Variants in DNAH3 observed in about 807,000 individuals in gnomAD.
DNAH3 encodes dynein axonemal heavy chain 3, also known as axonemal beta dynein heavy chain 3.
In DNAH3, 332 loss-of-function variants were observed where a neutral mutation model predicts 432.5. That is an observed-to-expected ratio of 0.77 (90% CI 0.70 to 0.84). The LOEUF is 0.84. DNAH3 is among the 40% of genes least tolerant of loss of function. The pLI is 0.00. For synonymous variants in DNAH3, 1,956 were observed against 1,900.2 expected (o/e 1.03, Z -0.76); for missense variants, 4,861 against 5,114.0 (o/e 0.95, Z 1.51).
chr16:21,047,375 C>A (rs2089750701), intron 31 of DNAH3, among the ~76,000 whole-genome samples: 1 of 150,270 alleles, frequency 6.7e-6, no homozygotes, highest in South Asian at 2.1e-4. Context: ...TTGCTCATTT[C>A]TTTTTATTCT....
At chr16:21,057,187 T>C (rs72780843) in intron 27 of DNAH3, among the ~76,000 whole-genome samples, 1 of 152,106 alleles carries the variant, frequency 6.6e-6, no homozygotes, top group Non-Finnish European at 1.5e-5. Flanking sequence ...GCAAGGAGGA[T>C]TGCTTGAGGC....
exon 14 of DNAH3, chr16:21,111,669 GATGGTCTTT>G (rs1402481556): frequency 1.2e-6 from 2 of 1,613,936 alleles, no homozygotes; most frequent in Non-Finnish European, 1.7e-6. Context: ...AATTGAATCA[GATGGTCTTT>G]AAGATTTTGA....
intron 21 of DNAH3, 104 bp downstream of exon 21, chr16:21,075,343 T>C: frequency 5.9e-6 from 5 of 842,884 alleles, no homozygotes; most frequent in Non-Finnish European, 6.1e-6. Flanking sequence ...GAGCGATTAT[T>C]TCTCTGTGAG....
intron 8 of DNAH3, among the ~76,000 whole-genome samples, chr16:21,126,930 G>T (rs1012436075): frequency 2.0e-5 from 3 of 151,960 alleles, no homozygotes; most frequent in African/African-American, 7.3e-5. Context: ...TCTAGTTGCA[G>T]GAAAACAAGC....
At chr16:21,108,938 A>C (rs1163795927) in intron 14 of DNAH3, among the ~76,000 whole-genome samples, 1 of 152,056 alleles carries the variant, frequency 6.6e-6, no homozygotes, top group Admixed American at 6.6e-5. Context: ...GCTGACCAGC[A>C]TGGTGAAACC....
chr16:21,111,678 T>G (rs747911277), exon 14 of DNAH3: 1 of 1,614,050 alleles, frequency 6.2e-7, no homozygotes, highest in Non-Finnish European at 8.5e-7. Flanking sequence ...AGATGGTCTT[T>G]AAGATTTTGA....
chr16:21,019,997 T>C, intron 40 of DNAH3, 128 bp from the exon 41 acceptor site: 1 of 1,008,014 alleles, frequency 9.9e-7, no homozygotes, highest in Non-Finnish European at 1.5e-6. Context: ...AGAGTGCCTA[T>C]CACCTACCAG....
intron 36 of DNAH3, among the ~76,000 whole-genome samples, chr16:21,032,827 C>T (rs2088957294): frequency 6.6e-6 from 1 of 152,008 alleles, no homozygotes; most frequent in Non-Finnish European, 1.5e-5. Flanking sequence ...AAAAGAACTA[C>T]TCTGCAGCAT....
intron 3 of DNAH3, among the ~76,000 whole-genome samples, chr16:21,143,325 TATGA>T (rs1212651046): frequency 6.6e-6 from 1 of 152,160 alleles, no homozygotes; most frequent in Non-Finnish European, 1.5e-5. Context: ...GGCTCCATCT[TATGA>T]ATGAGATTGT....
At chr16:21,039,796 CA>C in intron 33 of DNAH3, 55 bp downstream of exon 33, 1 of 1,308,056 alleles carries the variant, frequency 7.6e-7, no homozygotes, top group Non-Finnish European at 1.1e-6. Context: ...ATCTGCCACG[CA>C]AAAAGCCGCT....
intron 1 of DNAH3, among the ~76,000 whole-genome samples, chr16:21,148,772 A>G (rs888286290): frequency 2.6e-5 from 4 of 152,228 alleles, no homozygotes; most frequent in Non-Finnish European, 5.9e-5. Context: ...TCTGTCGATC[A>G]GGAACACATG....
intron 19 of DNAH3, among the ~76,000 whole-genome samples, chr16:21,083,419 G>A (rs372507869): frequency 1.3e-5 from 2 of 152,140 alleles, no homozygotes; most frequent in African/African-American, 4.8e-5. Flanking sequence ...AGTGTTATAG[G>A]CACATGATGA....
intron 11 of DNAH3, among the ~76,000 whole-genome samples, chr16:21,119,723 A>C (rs560803003): frequency 6.6e-6 from 1 of 151,740 alleles, no homozygotes; most frequent in Non-Finnish European, 1.5e-5. Flanking sequence ...CAGCCTCCCG[A>C]GTAGCTGGGA....
intron 1 of DNAH3, among the ~76,000 whole-genome samples, chr16:21,146,574 G>A (rs974023677): frequency 2.0e-4 from 31 of 152,074 alleles, no homozygotes; most frequent in Admixed American, 7.2e-4. Context: ...TATCATATGC[G>A]TTACCTTGCA....
At chr16:20,975,969 T>C (rs990916458) in intron 50 of DNAH3, among the ~76,000 whole-genome samples, 1 of 152,194 alleles carries the variant, frequency 6.6e-6, no homozygotes. Flanking sequence ...GGTCTAGAAC[T>C]CCTGACCTCA....
At chr16:20,998,853 A>G (rs1204869238) in intron 43 of DNAH3, among the ~76,000 whole-genome samples, 1 of 151,904 alleles carries the variant, frequency 6.6e-6, no homozygotes, top group African/African-American at 2.4e-5. Context: ...TATATACATT[A>G]TCTCATATAA....
intron 32 of DNAH3, among the ~76,000 whole-genome samples, chr16:21,040,440 T>C (rs2089390515): frequency 6.9e-6 from 1 of 145,534 alleles, no homozygotes; most frequent in African/African-American, 2.5e-5. Flanking sequence ...TCTTGGCTCA[T>C]TGCAACCTCC....
chr16:21,020,203 A>G (rs1449024306), intron 40 of DNAH3, among the ~76,000 whole-genome samples: 1 of 149,640 alleles, frequency 6.7e-6, no homozygotes, highest in South Asian at 2.1e-4. Context: ...GTATTTTTTT[A>G]TAGAGATGGG....
chr16:21,050,653 G>T (rs1033866249), intron 29 of DNAH3, among the ~76,000 whole-genome samples: 1 of 152,056 alleles, frequency 6.6e-6, no homozygotes, highest in Non-Finnish European at 1.5e-5. Context: ...TTGCCCAAGC[G>T]GGTTGGTCTC....
Sources: gnomAD v4.1 joint callset for allele counts (sites outside exome capture counted in the v4.1 genomes callset) on GRCh38, gnomAD v4.1.1 for gene constraint, MANE v1.5 for transcripts, NCBI Gene and HGNC (gene_info 2026-07-23, HGNC 2026-07-21) for gene names.